The following OR10H5 variants were observed in gnomAD, a reference collection of about 807,000 sequenced individuals.
The protein encoded by OR10H5 is olfactory receptor 10H5.
In OR10H5, 7 loss-of-function variants were observed where a neutral mutation model predicts 12.2. That is an observed-to-expected ratio of 0.57 (90% confidence interval 0.33 to 1.07). OR10H5 has a LOEUF of 1.07. OR10H5 is among the 50% of genes least tolerant of loss of function. OR10H5 has a pLI of 0.04. For synonymous variants in OR10H5, 159 were observed against 175.1 expected (o/e 0.91, Z 0.73); for missense variants, 346 against 411.6 (o/e 0.84, Z 1.38).
At chr19:15,793,337 T>A (rs1236813041) in intron 1 of OR10H5, among the ~76,000 whole-genome samples, 2 of 152,042 alleles carry the variant, frequency 1.3e-5, no homozygotes, top group Non-Finnish European at 2.9e-5. Context: ...CCCAGACTGG[T>A]CTCAAGCTCC....
chr19:15,791,432 T>C (rs898339483), intron 1 of OR10H5, among the ~76,000 whole-genome samples: 2 of 128,182 alleles, frequency 1.6e-5, no homozygotes, highest in African/African-American at 6.5e-5. Context: ...TATAGTTATA[T>C]AGATACCATA....
At chr19:15,789,228 G>A (rs1343847110) in intron 1 of OR10H5, among the ~76,000 whole-genome samples, 4 of 152,216 alleles carry the variant, frequency 2.6e-5, no homozygotes, top group Non-Finnish European at 4.4e-5. Context: ...GGGCTCCATA[G>A]GTGTGTGCAG....
chr19:15,792,215 T>A (rs2088812763), intron 1 of OR10H5, among the ~76,000 whole-genome samples: 1 of 152,144 alleles, frequency 6.6e-6, no homozygotes, highest in Non-Finnish European at 1.5e-5. Flanking sequence ...ATCATTTTTT[T>A]ATTCGCATTT....
chr19:15,792,264 T>C (rs1233139262), intron 1 of OR10H5, among the ~76,000 whole-genome samples: 1 of 152,238 alleles, frequency 6.6e-6, no homozygotes, highest in African/African-American at 2.4e-5. Context: ...TTATGTGATA[T>C]GTTACTGTGG....
At position 15,797,717 on chromosome 19, in the gene OR10H5, A is replaced by T. The variant is rs887095652; in HGVS notation, c.*2721A>T. 2 of 151,870 alleles carry T rather than the reference A, an allele frequency of 1.3e-5. No homozygotes were observed. The highest frequency in any genetic ancestry group is 2.1e-4 in the South Asian group (1 of 4,810). The allele number at this position is 151,870 out of a possible 1,614,324, so 9.4% of individuals were successfully genotyped here. ...TATTTAAAATGTTGACATTTTGTTCACCGTGGATTTTTTTTGCATTCATTT... is the reference window on the plus strand; with the variant it reads ...TATTTAAAATGTTGACATTTTGTTCTCCGTGGATTTTTTTTGCATTCATTT... On this transcript the variant is annotated 3_prime_UTR_variant, in exon 2 of 2. Coordinates refer to ENST00000642092, the MANE Select transcript of OR10H5 (RefSeq NM_001004466.2).
intron 1 of OR10H5, among the ~76,000 whole-genome samples, chr19:15,791,749 G>A (rs1364411943): frequency 1.3e-5 from 2 of 151,176 alleles, no homozygotes; most frequent in Non-Finnish European, 2.9e-5. Context: ...CTGGAGTGCA[G>A]TGGCGCCATC....
chr19:15,791,004 G>C (rs2088807020), intron 1 of OR10H5, among the ~76,000 whole-genome samples: 1 of 152,096 alleles, frequency 6.6e-6, no homozygotes, highest in Non-Finnish European at 1.5e-5. Context: ...AGGCTGGGAA[G>C]GGTAGGCAGA....
intron 1 of OR10H5, among the ~76,000 whole-genome samples, chr19:15,789,451 G>A (rs529946523): frequency 2.0e-5 from 3 of 151,782 alleles, no homozygotes; most frequent in Non-Finnish European, 2.9e-5. Context: ...GGGAGCCTGC[G>A]TGTGTGCCAG....
intron 1 of OR10H5, among the ~76,000 whole-genome samples, chr19:15,788,166 T>G (rs988805282): frequency 2.6e-5 from 4 of 152,174 alleles, no homozygotes; most frequent in Admixed American, 2.6e-4. Flanking sequence ...TGTGTGCGCT[T>G]GTATGAGATT....
Position 15,794,705 on chromosome 19 carries a change from T to C in OR10H5, c.657T>C (p.Tyr219=). ...LGCFLLILLS[Y]AFIVAAILKI... is the part of the protein sequence containing the mutation. ...GTTTTCTCCTCATCCTCCTCTCCTATGCCTTCATCGTGGCCGCCATCTTGA... is the reference window on the plus strand; with the variant it reads ...GTTTTCTCCTCATCCTCCTCTCCTACGCCTTCATCGTGGCCGCCATCTTGA... Residue 219 remains tyrosine (Y), a synonymous_variant, in exon 2 of 2, where the codon TAT becomes TAC. Coordinates refer to ENST00000642092, the MANE Select transcript of OR10H5 (RefSeq NM_001004466.2). 6.2e-7 allele frequency: 1 copy of C among 1,614,018 alleles called. No homozygotes were observed. Among genetic ancestry groups the C allele is most frequent in the East Asian group, 2.2e-5 (1 of 44,860 alleles).
At position 15,791,647 on chromosome 19, in the gene OR10H5, G is replaced by C. The variant is rs1045588839; in HGVS notation, c.-11-2391G>C. 1.5e-4 allele frequency among the ~76,000 whole-genome samples: 22 copies of C among 151,408 alleles called. No homozygotes were observed. The East Asian group carries it at 3.5e-3, about 24-fold the overall frequency. ...TTCCCTGCCCCCACCACAGACAGCT[G>C]TTCCATTTTGTTCAAAGTGTATCCC... On this transcript the variant is annotated intron_variant, in intron 1 of 1. Transcript: ENST00000642092.
Position 15,794,881 on chromosome 19 carries a change from C to G in OR10H5, c.833C>G (p.Thr278Ser). 4 of 1,614,156 alleles carry G rather than the reference C, an allele frequency of 2.5e-6. No homozygotes were observed. Among genetic ancestry groups the G allele is most frequent in the Non-Finnish European group, 2.5e-6 (3 of 1,180,030 alleles). ...GAAGGAGACACCTTGATGGGCATCA[C>G]CTACACGGTCCTCACACCCTTCCTC... The part of the protein sequence containing the change: ...SPEGDTLMGI[T>S]YTVLTPFLSP... Residue 278 changes from threonine to serine, a missense_variant, in exon 2 of 2, where the codon ACC becomes AGC. Transcript: ENST00000642092.
In OR10H5 at chr19:15,794,665, C is replaced by G. The variant is rs759753848; in HGVS notation, c.617C>G (p.Thr206Arg). 1.8e-5 allele frequency: 29 copies of G among 1,614,104 alleles called. 1 individual carries two copies. In the South Asian group the frequency reaches 3.2e-4, roughly 18 times the overall value. ...AAAGGCGTGGGCTTGGTGTGTATCA[C>G]GGCCCTGCTGGGCTGTTTTCTCCTC... ...VAKGVGLVCI[T>R]ALLGCFLLIL... Residue 206 changes from threonine (T) to arginine (R), a missense_variant, in exon 2 of 2, where the codon ACG becomes AGG. Coordinates refer to ENST00000642092, the MANE Select transcript of OR10H5 (RefSeq NM_001004466.2).
chr19:15,798,111 C>A lies in OR10H5; in HGVS notation c.*3115C>A, dbSNP rs1440990741. The A allele has an allele frequency of 6.6e-6, 1 of 150,854 alleles. No homozygotes were observed. The highest frequency in any genetic ancestry group is 2.4e-5 in the African/African-American group (1 of 41,122). The allele number at this position is 150,854 out of a possible 1,614,324, so 9.3% of individuals were successfully genotyped here. On this transcript the variant is annotated 3_prime_UTR_variant, in exon 2 of 2. Coordinates refer to ENST00000642092, the MANE Select transcript of OR10H5 (RefSeq NM_001004466.2). ...CTTGATTGCTGAATTTTTTGATGGC[C>A]CCTTACATTGGGTGCTCAAAGTGAC...
chr19:15,793,914 C>T, intron 1 of OR10H5, 124 bp from the exon 2 acceptor site: 2 of 803,988 alleles, frequency 2.5e-6, no homozygotes, highest in Non-Finnish European at 4.0e-6. Flanking sequence ...CATATTTTTG[C>T]ACATGGAGTA....
chr19:15,788,275 C>T (rs573218096), intron 1 of OR10H5, among the ~76,000 whole-genome samples: 7 of 152,192 alleles, frequency 4.6e-5, no homozygotes, highest in East Asian at 1.9e-4. Flanking sequence ...TAAAGCAAGA[C>T]GTCTACAAAG....
chr19:15,793,647 G>T (rs905704530), intron 1 of OR10H5, among the ~76,000 whole-genome samples: 2 of 152,106 alleles, frequency 1.3e-5, no homozygotes, highest in Non-Finnish European at 2.9e-5. Flanking sequence ...TTGGAAGGCT[G>T]AGGAAGGTGG....
rs1294001321 is a variant in OR10H5 at position 15,794,868 on chromosome 19, T to C, written c.820T>C (p.Leu274=). 1 of 1,614,150 alleles carries C rather than the reference T, an allele frequency of 6.2e-7. No individual in the cohort carries two copies. The highest frequency in any genetic ancestry group is 8.5e-7 in the Non-Finnish European group (1 of 1,180,024). The part of the protein sequence containing the change: ...KGPQSPEGDT[L]MGITYTVLTP... ...TCCCCAGTCTCCGGAAGGAGACACC[T>C]TGATGGGCATCACCTACACGGTCCT... is the stretch of plus-strand genomic sequence containing the variant. The change falls in exon 2 of 2, where the codon TTG becomes CTG. Residue 274 remains leucine, a synonymous_variant. Transcript: ENST00000642092.
intron 1 of OR10H5, among the ~76,000 whole-genome samples, chr19:15,789,646 C>G (rs925225656): frequency 7.2e-5 from 11 of 152,256 alleles, no homozygotes; most frequent in African/African-American, 2.4e-4. Context: ...TTCCCTAGGT[C>G]TAGACTTGTG....
Sources: allele counts gnomAD v4.1 joint callset (sites outside exome capture counted in the v4.1 genomes callset), GRCh38; gene constraint gnomAD v4.1.1; transcripts MANE v1.5; gene names NCBI Gene and HGNC (gene_info 2026-07-23, HGNC 2026-07-21).